RIC1: variants seen among roughly 807,000 people sequenced by gnomAD.
RIC1 encodes the protein guanine nucleotide exchange factor subunit RIC1.
In RIC1, 88 loss-of-function variants were observed where a neutral mutation model predicts 169.0. The observed-to-expected ratio is 0.52, with a 90% CI of 0.44 to 0.62. The LOEUF is 0.62. RIC1 is among the 20% of genes least tolerant of loss of function. The pLI is 0.00. For synonymous variants in RIC1, 790 were observed against 601.5 expected (o/e 1.31, Z -4.59); for missense variants, 1,877 against 1,725.5 (o/e 1.09, Z -1.56).
downstream of RIC1, among the ~76,000 whole-genome samples, chr9:5,777,681 T>C (rs1827665244): frequency 6.6e-6 from 1 of 152,196 alleles, no homozygotes. Context: ...ATATATGATA[T>C]GAAAGAGAGA....
chr9:5,682,201 A>G (rs1290959168), intron 2 of RIC1, among the ~76,000 whole-genome samples: 1 of 152,132 alleles, frequency 6.6e-6, no homozygotes, highest in Non-Finnish European at 1.5e-5. Flanking sequence ...TCCTGTCATT[A>G]TGATGTTAGC....
At chr9:5,702,231 T>C (rs35383637) in intron 3 of RIC1, among the ~76,000 whole-genome samples, 2 of 152,212 alleles carry the variant, frequency 1.3e-5, no homozygotes, top group Non-Finnish European at 2.9e-5. Flanking sequence ...CAGTGTATTA[T>C]TGAGGAATTC....
intron 3 of RIC1, among the ~76,000 whole-genome samples, chr9:5,710,805 A>T (rs866491772): frequency 7.2e-5 from 11 of 152,312 alleles, no homozygotes; most frequent in Admixed American, 2.6e-4. Flanking sequence ...TCTCAGAATG[A>T]AAAGTACAAT....
chr9:5,766,857 C>T (rs141837574), intron 21 of RIC1, among the ~76,000 whole-genome samples: 86 of 152,250 alleles, frequency 5.6e-4, no homozygotes, highest in Non-Finnish European at 1.1e-3. Flanking sequence ...GGGTAGAACC[C>T]CAGTAGTGAG....
At chr9:5,684,221 C>T (rs1246799751) in intron 2 of RIC1, among the ~76,000 whole-genome samples, 2 of 127,680 alleles carry the variant, frequency 1.6e-5, no homozygotes, top group Non-Finnish European at 3.2e-5. Flanking sequence ...TTCTGTGTTG[C>T]TCATGCTGGG....
Position 5,707,697 on chromosome 9 carries a change from C to G in RIC1, c.333-6199C>G, listed in dbSNP as rs184383403. Among the ~76,000 whole-genome samples the G allele has an allele frequency of 1.2e-4, 18 of 151,836 alleles. No homozygotes were observed. The East Asian group carries it at 2.7e-3, about 23-fold the overall frequency. On this transcript the variant is annotated intron_variant, in intron 3 of 25. Transcript: ENST00000414202. ...TTTGTTTGTTTGTTTCTGATTTTAC[C>G]ACAGCCACCCTACTATTTGCATGGA...
Position 5,668,645 on chromosome 9 carries a change from G to A in RIC1, c.252+11955G>A, listed in dbSNP as rs73392622. On this transcript the variant is annotated intron_variant, in intron 2 of 25. Transcript: ENST00000414202. ...ATTTTCAAGTACATTTATCTTTTCC[G>A]TCTGCTCAAATTTGCTATTGAATTT... 8.1e-3 allele frequency among the ~76,000 whole-genome samples: 1,232 copies of A among 151,864 alleles called. 16 individuals carry two copies. The highest frequency in any genetic ancestry group is 0.028 in the African/African-American group (1,156 of 41,392).
Position 5,732,391 on chromosome 9 carries a change from C to T in RIC1, c.724C>T (p.Leu242Phe). 1.9e-6 allele frequency: 3 copies of T among 1,607,032 alleles called. No individual in the cohort carries two copies. In the South Asian group the frequency reaches 3.4e-5, roughly 18 times the overall value. Reference sequence around the variant, plus strand: ...TAACTATTTTTCTTTATTATAGCAGCTTCATGGAGTTTGGCCACAAGATGT... The same window carrying T: ...TAACTATTTTTCTTTATTATAGCAGTTTCATGGAGTTTGGCCACAAGATGT... Reference protein sequence around the residue: ...PVSSRFTAEQLHGVWPQDVVD... With the variant: ...PVSSRFTAEQFHGVWPQDVVD... The change falls in exon 7 of 26, where the codon CTT (leucine) becomes TTT (phenylalanine). Residue 242 changes from leucine to phenylalanine, a missense_variant. By Grantham distance (22) the Leu-to-Phe change is conservative. This residue lies in a region of RIC1 where 1,104 missense variants were observed against 992.0 expected (regional missense o/e 1.11). Transcript: ENST00000414202.
chr9:5,691,617 A>T (rs1821595292), intron 3 of RIC1, among the ~76,000 whole-genome samples: 2 of 151,982 alleles, frequency 1.3e-5, no homozygotes, highest in South Asian at 4.1e-4. Flanking sequence ...GGTAAAACTG[A>T]AAAAAGAATT....
At chr9:5,633,396 A>C (rs137896087) in intron 1 of RIC1, among the ~76,000 whole-genome samples, 1 of 152,076 alleles carries the variant, frequency 6.6e-6, no homozygotes, top group African/African-American at 2.4e-5. Context: ...ATGGAGTTCA[A>C]ACTCCTTAGT....
At chr9:5,690,242 A>G (rs1296044333) in intron 3 of RIC1, among the ~76,000 whole-genome samples, 2 of 152,128 alleles carry the variant, frequency 1.3e-5, no homozygotes, top group African/African-American at 4.8e-5. Flanking sequence ...ATGATAAACT[A>G]TATCAAGACT....
chr9:5,707,727 A>C lies in RIC1; in HGVS notation c.333-6169A>C, dbSNP rs115144923. 3.7e-3 allele frequency among the ~76,000 whole-genome samples: 556 copies of C among 152,098 alleles called. 2 individuals carry two copies. Among genetic ancestry groups the C allele is most frequent in the African/African-American group, 0.012 (517 of 41,534 alleles). On this transcript the variant is annotated intron_variant, in intron 3 of 25. Coordinates refer to ENST00000414202, the MANE Select transcript of RIC1 (RefSeq NM_020829.4). ...CCACCCTACTATTTGCATGGAATAT[A>C]TTTTTCCTTCCTTCCACCTTCAACT...
intron 6 of RIC1, among the ~76,000 whole-genome samples, chr9:5,730,462 A>G (rs1051795801): frequency 3.3e-5 from 5 of 152,188 alleles, no homozygotes; most frequent in South Asian, 4.1e-4. Flanking sequence ...ACACAAAGGA[A>G]TACATGCTAT....
chr9:5,650,767 C>A (rs1211528409), intron 1 of RIC1, among the ~76,000 whole-genome samples: 2 of 152,104 alleles, frequency 1.3e-5, no homozygotes, highest in African/African-American at 4.8e-5. Flanking sequence ...TTGTGATAGC[C>A]TCCCCAGTAT....
intron 7 of RIC1, among the ~76,000 whole-genome samples, chr9:5,734,398 C>A (rs954635184): frequency 3.3e-5 from 5 of 152,012 alleles, no homozygotes; most frequent in African/African-American, 1.2e-4. Flanking sequence ...GCCACTGGGC[C>A]CGGCCCAGTT....
At chr9:5,669,224 C>T (rs1004597647) in intron 2 of RIC1, among the ~76,000 whole-genome samples, 3 of 152,096 alleles carry the variant, frequency 2.0e-5, no homozygotes, top group Non-Finnish European at 4.4e-5. Flanking sequence ...TTTTGGTGCA[C>T]CCATCACCCA....
intron 6 of RIC1, among the ~76,000 whole-genome samples, chr9:5,729,559 T>C (rs1358027080): frequency 6.6e-6 from 1 of 152,220 alleles, no homozygotes; most frequent in East Asian, 1.9e-4. Context: ...TGCTGCTTTA[T>C]GTTTTTTTAA....
chr9:5,713,805 A>G (rs1823074436), intron 3 of RIC1, 91 bp from the exon 4 acceptor site: 1 of 752,346 alleles, frequency 1.3e-6, no homozygotes. Flanking sequence ...TGTAAGTTTT[A>G]TTTCATTTAC....
intron 2 of RIC1, among the ~76,000 whole-genome samples, chr9:5,658,772 T>C (rs533014522): frequency 5.3e-4 from 81 of 151,998 alleles, no homozygotes; most frequent in Non-Finnish European, 1.5e-5. Context: ...ATTGCCCTCC[T>C]CCACAGCTGT....
Sources: allele counts gnomAD v4.1 joint callset (sites outside exome capture counted in the v4.1 genomes callset), GRCh38; gene constraint gnomAD v4.1.1; regional missense constraint gnomAD v4.1.1; transcripts MANE v1.5; gene names NCBI Gene and HGNC (gene_info 2026-07-23, HGNC 2026-07-21).